The following NME7 variants were observed in gnomAD, a reference collection of about 807,000 sequenced individuals.
NME7 encodes nucleoside diphosphate kinase 7.
NME7 carries 41 observed loss-of-function variants against 49.1 expected under a neutral mutation model. The observed-to-expected ratio is 0.83, with a 90% confidence interval of 0.65 to 1.08. The LOEUF (loss-of-function observed/expected upper bound fraction) is 1.08. NME7 is among the 50% of genes least tolerant of loss of function. The pLI, the probability that NME7 is intolerant of heterozygous loss-of-function variation, is 0.00. For missense variants in NME7, 423 were observed against 463.4 expected, an observed-to-expected ratio of 0.91 and a Z score of 0.80; for synonymous variants, 139 against 150.6, an observed-to-expected ratio of 0.92 and a Z score of 0.56.
intron 1 of NME7, among the ~76,000 whole-genome samples, chr1:169,346,300 G>A (rs759663570): frequency 3.3e-5 from 5 of 152,084 alleles, no homozygotes; most frequent in Non-Finnish European, 7.4e-5. Flanking sequence ...AGCCCTCCAA[G>A]ATCTGGCCTC....
intron 3 of NME7, among the ~76,000 whole-genome samples, chr1:169,313,899 A>G (rs1206642644): frequency 6.6e-6 from 1 of 152,196 alleles, no homozygotes; most frequent in Non-Finnish European, 1.5e-5. Context: ...GAAAAAGAAT[A>G]TATTAGAATA....
intron 1 of NME7, among the ~76,000 whole-genome samples, chr1:169,329,396 GAAAA>G (rs34676722): frequency 1.0e-5 from 1 of 98,224 alleles, no homozygotes; most frequent in Non-Finnish European, 2.0e-5. Context: ...TGTGTTTCCT[GAAAA>G]AAAAAAAAAA....
intron 7 of NME7, among the ~76,000 whole-genome samples, chr1:169,254,970 A>G (rs1648853723): frequency 7.5e-6 from 1 of 132,884 alleles, no homozygotes; most frequent in Admixed American, 7.4e-5. Flanking sequence ...TGCTGAGGAG[A>G]GCTTTACTTC....
At chr1:169,163,088 A>T (rs1198136174) in intron 11 of NME7, among the ~76,000 whole-genome samples, 3 of 152,194 alleles carry the variant, frequency 2.0e-5, no homozygotes, top group African/African-American at 7.2e-5. Flanking sequence ...TTTTCCCCAC[A>T]TAACAATGAT....
At chr1:169,151,064 G>A (rs1658900016) in intron 11 of NME7, among the ~76,000 whole-genome samples, 1 of 152,208 alleles carries the variant, frequency 6.6e-6, no homozygotes, top group Admixed American at 6.5e-5. Flanking sequence ...AGGCAGCAAG[G>A]GATGGGCCCT....
chr1:169,299,922 T>C (rs1473607013), intron 5 of NME7, among the ~76,000 whole-genome samples: 1 of 152,048 alleles, frequency 6.6e-6, no homozygotes, highest in Admixed American at 6.6e-5. Context: ...AATAAGCATT[T>C]AATAATTGCC....
chr1:169,241,374 GACA>G (rs1648080147), intron 7 of NME7, among the ~76,000 whole-genome samples: 1 of 151,680 alleles, frequency 6.6e-6, no homozygotes, highest in Admixed American at 6.6e-5. Context: ...CAGTGCAAAT[GACA>G]ACACATTAAA....
At chr1:169,173,899 T>C (rs1005567047) in intron 10 of NME7, among the ~76,000 whole-genome samples, 4 of 152,214 alleles carry the variant, frequency 2.6e-5, no homozygotes, top group African/African-American at 9.6e-5. Flanking sequence ...TAAAAAGTTA[T>C]TGCAGTATTT....
At chr1:169,342,972 C>T (rs1313979223) in intron 1 of NME7, among the ~76,000 whole-genome samples, 20 of 60,056 alleles carry the variant, frequency 3.3e-4, no homozygotes, top group South Asian at 1.1e-3. Flanking sequence ...TATATATATA[C>T]AAGTACATAT....
intron 11 of NME7, among the ~76,000 whole-genome samples, chr1:169,161,662 C>T (rs1266188958): frequency 6.6e-6 from 1 of 152,214 alleles, no homozygotes; most frequent in African/African-American, 2.4e-5. Flanking sequence ...GCTGTCTTCA[C>T]TCATTCCTGG....
Position 169,273,490 on chromosome 1 carries a change from T to C in NME7, c.754+13813A>G, listed in dbSNP as rs1272396453. Among the ~76,000 whole-genome samples the C allele has an allele frequency of 1.5e-5, 2 of 131,996 alleles. 1 individual carries two copies. The highest frequency in any genetic ancestry group is 3.6e-5 in the Non-Finnish European group (2 of 56,302). The allele number at this position is 131,996 out of a possible 152,430, so 86.6% of individuals were successfully genotyped here. A position where few individuals can be genotyped will look rare whatever the true frequency, so the allele number is the denominator to read the frequency against. ...TTTTTTATTATTATACTTTAAGTTT[T>C]AGGGTACATGCGCACAATGTGCAGG... On this transcript the variant is annotated intron_variant, in intron 7 of 11. Coordinates refer to ENST00000367811, the MANE Select transcript of NME7 (RefSeq NM_013330.5).
At chr1:169,239,000 T>C (rs1330133500) in intron 7 of NME7, among the ~76,000 whole-genome samples, 4 of 152,082 alleles carry the variant, frequency 2.6e-5, no homozygotes, top group African/African-American at 7.2e-5. Context: ...ATTTAAGTTG[T>C]ATTACTAAAA....
chr1:169,256,564 C>T (rs960841788), intron 7 of NME7, among the ~76,000 whole-genome samples: 3 of 132,630 alleles, frequency 2.3e-5, no homozygotes, highest in East Asian at 2.1e-4. Flanking sequence ...TCTCTCAGCT[C>T]GTCAAAGTCA....
At chr1:169,160,168 C>T (rs1240776322) in intron 11 of NME7, among the ~76,000 whole-genome samples, 11 of 152,134 alleles carry the variant, frequency 7.2e-5, no homozygotes, top group African/African-American at 2.7e-4. Context: ...GAAAAGCATT[C>T]GGTCCCTTGG....
rs1651928184 is a variant in NME7 at position 169,323,341 on chromosome 1, T to C, written c.112-58A>G. On this transcript the variant is annotated intron_variant, in intron 2 of 11. Coordinates refer to ENST00000367811, the MANE Select transcript of NME7 (RefSeq NM_013330.5). Reference sequence around the variant, plus strand: ...CAAAAAAAGTTATGAATAAGGAAAGTTAATCTCATCATAAGGTAGAAATAA... The same window carrying C: ...CAAAAAAAGTTATGAATAAGGAAAGCTAATCTCATCATAAGGTAGAAATAA... 3 of 1,349,460 alleles carry C rather than the reference T, an allele frequency of 2.2e-6. No homozygotes were observed. The South Asian group carries it at 5.7e-5, about 26-fold the overall frequency. 83.6% of individuals were successfully genotyped at this position (1,349,460 alleles called of 1,614,324 possible). A position where few individuals can be genotyped will look rare whatever the true frequency, so the allele number is the denominator to read the frequency against.
At chr1:169,342,560 C>A (rs1426679246) in intron 1 of NME7, among the ~76,000 whole-genome samples, 1 of 70,650 alleles carries the variant, frequency 1.4e-5, no homozygotes, top group East Asian at 4.2e-4. Context: ...TATATATATA[C>A]AAGTACATAT....
rs5778601 is a variant in NME7 at position 169,133,089 on chromosome 1, T to TAA, written c.1099-274_1099-273dup. On this transcript the variant is annotated intron_variant, in intron 11 of 11. Transcript: ENST00000367811. Reference sequence around the variant, plus strand: ...CTATTGCTTCACTAGACATATGTGTTAAAAAAAAAAGTTGTTAGCACTTCA... The same window carrying TAA: ...CTATTGCTTCACTAGACATATGTGTTAAAAAAAAAAAAGTTGTTAGCACTTCA... Among the ~76,000 whole-genome samples the TAA allele has an allele frequency of 6.0e-5, 9 of 150,284 alleles. No homozygotes were observed. In the South Asian group the frequency reaches 8.4e-4, roughly 14 times the overall value.
chr1:169,150,680 A>G (rs1252264527), intron 11 of NME7, among the ~76,000 whole-genome samples: 3 of 152,016 alleles, frequency 2.0e-5, no homozygotes, highest in African/African-American at 7.3e-5. Flanking sequence ...CTTCAGCTAC[A>G]AAAGGGAATC....
chr1:169,234,985 G>A (rs931349604), intron 9 of NME7, 146 bp downstream of exon 9: 30 of 404,578 alleles, frequency 7.4e-5, no homozygotes, highest in Non-Finnish European at 1.2e-4. Flanking sequence ...AACCTAGGTC[G>A]TTGACACAGA....
Sources: allele counts gnomAD v4.1 joint callset (sites outside exome capture counted in the v4.1 genomes callset), GRCh38; gene constraint gnomAD v4.1.1; transcripts MANE v1.5; gene names NCBI Gene and HGNC (gene_info 2026-07-23, HGNC 2026-07-21).